Variants in GAK observed in about 807,000 individuals in gnomAD.
The protein encoded by GAK is cyclin-G-associated kinase.
A neutral mutation model predicts 143.9 loss-of-function variants in GAK; 79 were observed. That is an observed-to-expected ratio of 0.55 (90% confidence interval 0.46 to 0.66). The LOEUF (loss-of-function observed/expected upper bound fraction) is 0.66, where lower values mean the gene tolerates loss of function less well. Among genes scored for constraint, GAK ranks in the 30% least tolerant of loss-of-function variants. GAK has a pLI of 0.00. For synonymous variants in GAK, 881 were observed against 765.5 expected (o/e 1.15, Z -2.49); for missense variants, 1,693 against 1,779.7 (o/e 0.95, Z 0.88).
intron 24 of GAK, among the ~76,000 whole-genome samples, chr4:856,447 T>TCAC (rs1355983420): frequency 7.8e-5 from 11 of 141,028 alleles, no homozygotes; most frequent in African/African-American, 8.2e-5. Context: ...CCACAGCTGC[T>TCAC]CACTACAGCT....
In GAK at chr4:866,854, C is replaced by A; in HGVS notation, c.2872+102G>T. The A allele has an allele frequency of 3.2e-6, 3 of 938,976 alleles. No homozygotes were observed. In the Middle Eastern group the frequency reaches 1.0e-3, roughly 328 times the overall value. The allele number at this position is 938,976 out of a possible 1,614,324, so 58.2% of individuals were successfully genotyped here. A position where few individuals can be genotyped will look rare whatever the true frequency, so the allele number is the denominator to read the frequency against. ...GGGAGGTGGGGGAAGGGCACGTTCC[C>A]TTCCTGCAAGCACCTTCGAAACACG... On this transcript the variant is annotated intron_variant, in intron 21 of 27. Coordinates refer to ENST00000314167, the MANE Select transcript of GAK (RefSeq NM_005255.4).
At position 849,613 on chromosome 4, in the gene GAK, C is replaced by T. The variant is rs1224048378; in HGVS notation, c.*60G>A. ...CCACGGGGTCCTCACGGTGGGGACC[C>T]AGGTCCCACGACGGCTCCCAACCTG... On this transcript the variant is annotated 3_prime_UTR_variant, in exon 28 of 28. Coordinates refer to ENST00000314167, the MANE Select transcript of GAK (RefSeq NM_005255.4). 8.7e-6 allele frequency: 12 copies of T among 1,375,862 alleles called. 1 individual carries two copies. Among genetic ancestry groups the T allele is most frequent in the Non-Finnish European group, 1.0e-5 (10 of 978,918 alleles). The allele number at this position is 1,375,862 out of a possible 1,614,324, so 85.2% of individuals were successfully genotyped here.
rs56278731 is a variant in GAK, at chr4:849,898, G to A, written c.3828C>T (p.Pro1276=). The A allele has an allele frequency of 3.0e-4, 478 of 1,591,808 alleles. 2 individuals are homozygous for A. Among genetic ancestry groups the A allele is most frequent in the African/African-American group, 1.1e-3 (76 of 71,544 alleles). The change falls in exon 27 of 28, where the codon CCC becomes CCT. Residue 1276 remains proline (P), a synonymous_variant. Coordinates refer to ENST00000314167, the MANE Select transcript of GAK (RefSeq NM_005255.4). The part of the protein sequence containing the change: ...HYRRAVLAVH[P]DKAAGQPYEQ... The stretch of plus-strand genomic sequence containing the variant: ...GCCTGGCAGCTCTGCTCACCTTGTC[G>A]GGGTGCACAGCCAGCACCGCGCGGC...
chr4:883,373 T>C lies in GAK; in HGVS notation c.1346A>G (p.His449Arg). 3 of 1,613,744 alleles carry C rather than the reference T, an allele frequency of 1.9e-6. No individual in the cohort carries two copies. Among genetic ancestry groups the C allele is most frequent in the Non-Finnish European group, 2.5e-6 (3 of 1,180,002 alleles). Residue 449 changes from histidine (H) to arginine (R), a missense_variant, in exon 13 of 28, where the codon CAC becomes CGC. His to Arg is a conservative substitution (Grantham distance 29, BLOSUM62 0). Coordinates refer to ENST00000314167, the MANE Select transcript of GAK (RefSeq NM_005255.4). ...RLFLDSKHPG[H>R]YAVYNLSPRT... ...CGGGGACAGGTTGTAGACGGCATAG[T>C]GCCCTGGGTGCTTGGAGTCCAGGAA... is the stretch of plus-strand genomic sequence containing the variant.
chr4:889,586 T>G (rs1353805528), intron 10 of GAK, among the ~76,000 whole-genome samples: 4 of 152,138 alleles, frequency 2.6e-5, no homozygotes. Flanking sequence ...AGCCAGCCAC[T>G]ACACCTGCAT....
chr4:860,111 A>G (rs976012189), intron 23 of GAK, among the ~76,000 whole-genome samples: 1 of 152,142 alleles, frequency 6.6e-6, no homozygotes, highest in Non-Finnish European at 1.5e-5. Context: ...GGCAACATAG[A>G]AATACCCTGT....
At chr4:886,567 G>GA (rs1163792929) in intron 11 of GAK, 2 of 152,250 alleles carry the variant, frequency 1.3e-5, no homozygotes, top group Non-Finnish European at 2.9e-5. Flanking sequence ...CACTGATGCC[G>GA]AAAGTGACCG....
intron 11 of GAK, chr4:886,159 A>G (rs1448056390): frequency 6.6e-6 from 1 of 152,288 alleles, no homozygotes; most frequent in East Asian, 1.9e-4. Context: ...CAAGCACGTG[A>G]TGTGAACAGA....
chr4:919,632 G>C (rs541460607), intron 1 of GAK, among the ~76,000 whole-genome samples: 2 of 152,220 alleles, frequency 1.3e-5, no homozygotes, highest in Non-Finnish European at 2.9e-5. Flanking sequence ...CTCAGGAGCT[G>C]CTCCTCACCG....
At chr4:921,619 G>A (rs1189033637) in intron 1 of GAK, among the ~76,000 whole-genome samples, 1 of 151,528 alleles carries the variant, frequency 6.6e-6, no homozygotes, top group African/African-American at 2.4e-5. Context: ...GGCGTGATTC[G>A]TAAAAGGAAA....
At chr4:921,512 C>T (rs975690715) in intron 1 of GAK, among the ~76,000 whole-genome samples, 4 of 152,144 alleles carry the variant, frequency 2.6e-5, no homozygotes, top group Admixed American at 6.5e-5. Context: ...AAAATAAACA[C>T]GGACATAAAT....
rs779444679 is a variant in GAK at position 849,993 on chromosome 4, C to T, written c.3733G>A (p.Gly1245Arg). 1.6e-5 allele frequency: 26 copies of T among 1,611,028 alleles called. No homozygotes were observed. The highest frequency in any genetic ancestry group is 1.6e-4 in the Middle Eastern group (1 of 6,080). The part of the protein sequence containing the change: ...LSTLHTVLWD[G>R]ESRWTPVGMA... Reference sequence around the variant, plus strand: ...CCCACGGGCGTCCAGCGGCTCTCCCCGTCCCACAGCACTGTGTGCAGCGTG... The same window carrying T: ...CCCACGGGCGTCCAGCGGCTCTCCCTGTCCCACAGCACTGTGTGCAGCGTG... Residue 1245 changes from glycine (G) to arginine (R), a missense_variant, in exon 27 of 28, where the codon GGG (glycine) becomes AGG (arginine). Around this residue, in one of 2 missense-constraint regions of GAK, gnomAD observed 822 missense variants for 788.7 expected, o/e 1.04. Coordinates refer to ENST00000314167, the MANE Select transcript of GAK (RefSeq NM_005255.4).
intron 24 of GAK, 86 bp from the exon 25 acceptor site, chr4:852,060 T>C (rs1194204160): frequency 1.8e-6 from 2 of 1,141,650 alleles, no homozygotes; most frequent in Non-Finnish European, 2.6e-6. Flanking sequence ...CCACGTATAT[T>C]GGAAAACATG....
chr4:857,876 A>G (rs1749570006), intron 24 of GAK, among the ~76,000 whole-genome samples: 1 of 152,114 alleles, frequency 6.6e-6, no homozygotes. Flanking sequence ...GCTTTTCCAC[A>G]GCAAGCCCCC....
chr4:849,853 C>CCCCCAG, intron 27 of GAK, 39 bp downstream of exon 27: 1 of 1,497,308 alleles, frequency 6.7e-7, no homozygotes, highest in Non-Finnish European at 9.1e-7. Context: ...CCGCCCCGCC[C>CCCCCAG]CTGAAGGCCT....
chr4:859,209 GGA>G, intron 24 of GAK: 5 of 985,482 alleles, frequency 5.1e-6, no homozygotes, highest in Non-Finnish European at 6.0e-6. Flanking sequence ...ACGCAGGACT[GGA>G]GAGGGTGGGC....
At chr4:894,698 T>C (rs1718418369) in intron 7 of GAK, 1 of 152,136 alleles carries the variant, frequency 6.6e-6, no homozygotes, top group African/African-American at 2.4e-5. Context: ...AAAGTTCCGT[T>C]CAGGCCGGGC....
intron 27 of GAK, 59 bp from the exon 28 acceptor site, chr4:849,833 G>GGGCCCCCCCCCC: frequency 4.2e-6 from 5 of 1,190,138 alleles, no homozygotes; most frequent in Non-Finnish European, 5.8e-6. Context: ...GGCGGGGCAG[G>GGGCCCCCCCCCC]ACCCCCCCCC....
chr4:876,961 G>C (rs1263854100), intron 17 of GAK, 129 bp downstream of exon 17: 9 of 655,310 alleles, frequency 1.4e-5, no homozygotes, highest in Non-Finnish European at 1.9e-5. Context: ...CGCCACATGA[G>C]AGCCCACGGC....
Sources: gnomAD v4.1 joint callset for allele counts (sites outside exome capture counted in the v4.1 genomes callset) on GRCh38, gnomAD v4.1.1 for gene constraint, gnomAD v4.1.1 regional missense constraint, MANE v1.5 for transcripts, NCBI Gene and HGNC (gene_info 2026-07-23, HGNC 2026-07-21) for gene names.